PCMTD1: variants seen among roughly 807,000 people sequenced by gnomAD.
PCMTD1 encodes the protein protein-L-isoaspartate O-methyltransferase domain-containing protein 1.
In PCMTD1, 12 loss-of-function variants were observed where a neutral mutation model predicts 37.6. The observed-to-expected ratio is 0.32, with a 90% CI of 0.20 to 0.52. The LOEUF (loss-of-function observed/expected upper bound fraction) is 0.52, where lower values mean the gene tolerates loss of function less well. PCMTD1 is among the 20% of genes least tolerant of loss of function. The pLI is 0.97. For missense variants in PCMTD1, 235 were observed against 421.3 expected, an observed-to-expected ratio of 0.56 and a Z score of 3.87; for synonymous variants, 117 against 135.8, an observed-to-expected ratio of 0.86 and a Z score of 0.96.
intron 1 of PCMTD1, among the ~76,000 whole-genome samples, chr8:51,868,470 G>T (rs1399668601): frequency 6.6e-6 from 1 of 152,106 alleles, no homozygotes; most frequent in Non-Finnish European, 1.5e-5. Context: ...TGAAGCCAGG[G>T]ACTGCTATGC....
At chr8:51,863,767 C>CA (rs1163737797) in intron 1 of PCMTD1, among the ~76,000 whole-genome samples, 2 of 151,298 alleles carry the variant, frequency 1.3e-5, no homozygotes, top group Admixed American at 6.6e-5. Flanking sequence ...ACTAAAAATA[C>CA]AAAAAAAAAT....
At chr8:51,889,402 T>C (rs1220772555) in intron 1 of PCMTD1, among the ~76,000 whole-genome samples, 1 of 152,176 alleles carries the variant, frequency 6.6e-6, no homozygotes, top group Non-Finnish European at 1.5e-5. Flanking sequence ...TGTAACAGCA[T>C]TATTTTTAGG....
chr8:51,876,305 C>T (rs1385817896), intron 1 of PCMTD1, among the ~76,000 whole-genome samples: 3 of 152,062 alleles, frequency 2.0e-5, no homozygotes, highest in Non-Finnish European at 4.4e-5. Context: ...TTGGGTATAG[C>T]CTAGACTATA....
At chr8:51,831,109 C>T (rs1449633233) in intron 5 of PCMTD1, among the ~76,000 whole-genome samples, 2 of 152,002 alleles carry the variant, frequency 1.3e-5, no homozygotes, top group Admixed American at 1.3e-4. Flanking sequence ...GCCAGCCTGG[C>T]CAACATGGTG....
In PCMTD1 at chr8:51,820,801, G is replaced by A; in HGVS notation, c.707-83C>T. 3.0e-6 allele frequency: 4 copies of A among 1,336,124 alleles called. No individual in the cohort carries two copies. The East Asian group carries it at 1.1e-4, about 35-fold the overall frequency. The allele number at this position is 1,336,124 out of a possible 1,614,324, so 82.8% of individuals were successfully genotyped here. ...GTTTATTTTTTTCATAGAACAAAAT[G>A]TGTTTCTTAGCATATTTTAGAAAAT... On this transcript the variant is annotated intron_variant, in intron 5 of 5. Transcript: ENST00000522514.
rs911429728 is a variant in PCMTD1 at position 51,872,113 on chromosome 8, T to C, written c.-95-10867A>G. 2.0e-5 allele frequency among the ~76,000 whole-genome samples: 3 copies of C among 152,234 alleles called. No homozygotes were observed. The South Asian group carries it at 6.2e-4, about 31-fold the overall frequency. On this transcript the variant is annotated intron_variant, in intron 1 of 5. Transcript: ENST00000522514. Reference sequence around the variant, plus strand: ...TAATATTTGAAGTGATAAAGTAATATATAAAACTTTAAAGGACAAGATATG... The same window carrying C: ...TAATATTTGAAGTGATAAAGTAATACATAAAACTTTAAAGGACAAGATATG...
At chr8:51,867,560 C>T (rs1220030070) in intron 1 of PCMTD1, among the ~76,000 whole-genome samples, 1 of 149,730 alleles carries the variant, frequency 6.7e-6, no homozygotes, top group Non-Finnish European at 1.5e-5. Context: ...TAAATATAGA[C>T]TTACATTATA....
chr8:51,848,292 A>AG, intron 2 of PCMTD1, among the ~76,000 whole-genome samples: 1 of 152,140 alleles, frequency 6.6e-6, no homozygotes, highest in African/African-American at 2.4e-5. Flanking sequence ...GTCTTTAAAG[A>AG]GAAAAAAAAG....
chr8:51,826,631 G>C (rs553490530), intron 5 of PCMTD1, among the ~76,000 whole-genome samples: 8 of 152,232 alleles, frequency 5.3e-5, no homozygotes, highest in African/African-American at 1.9e-4. Context: ...TTGTATAGGA[G>C]CCTAGGAGTC....
intron 5 of PCMTD1, 70 bp from the exon 6 acceptor site, chr8:51,820,788 C>T: frequency 1.1e-6 from 1 of 902,076 alleles, no homozygotes; most frequent in Non-Finnish European, 1.6e-6. Context: ...TTATTTTTTT[C>T]ATAGAACAAA....
At chr8:51,827,049 C>A in intron 5 of PCMTD1, 1 of 965,446 alleles carries the variant, frequency 1.0e-6, no homozygotes, top group Non-Finnish European at 1.2e-6. Flanking sequence ...ATTTTAATTT[C>A]CTGCAATTAA....
chr8:51,899,044 C>A (rs375848342), upstream of PCMTD1: 18 of 1,507,708 alleles, frequency 1.2e-5, no homozygotes, highest in East Asian at 3.7e-4. Flanking sequence ...AGTGGAGAGG[C>A]GGGGCCCGGA....
intron 5 of PCMTD1, chr8:51,827,120 T>TA (rs1323147925): frequency 5.9e-6 from 6 of 1,008,656 alleles, no homozygotes; most frequent in Non-Finnish European, 7.1e-6. Context: ...CACAAAAACT[T>TA]ATTCTCCATA....
chr8:51,890,460 A>G (rs566622961), intron 1 of PCMTD1, among the ~76,000 whole-genome samples: 5 of 152,324 alleles, frequency 3.3e-5, no homozygotes, highest in Admixed American at 3.3e-4. Context: ...GAAAACATGA[A>G]AATTTAGAAT....
intron 5 of PCMTD1, among the ~76,000 whole-genome samples, chr8:51,829,397 G>A (rs761037361): frequency 5.9e-5 from 9 of 152,214 alleles, no homozygotes; most frequent in African/African-American, 2.4e-5. Context: ...TTTCAGGTGT[G>A]TAAAAAGCAG....
intron 1 of PCMTD1, among the ~76,000 whole-genome samples, chr8:51,884,599 C>T (rs13256408): frequency 0.69 from 104,554 of 152,078 alleles, 42,389 homozygotes; most frequent in Non-Finnish European, 0.9. Flanking sequence ...GCAGACAGCA[C>T]TGGAGAAAAC....
At chr8:51,846,008 GA>G (rs2038213116) in intron 2 of PCMTD1, among the ~76,000 whole-genome samples, 1 of 152,104 alleles carries the variant, frequency 6.6e-6, no homozygotes, top group Non-Finnish European at 1.5e-5. Flanking sequence ...GGATAAGGTT[GA>G]AACCTACAGA....
At position 51,825,700 on chromosome 8, in the gene PCMTD1, CAAAAAAAAAAA is replaced by C. The variant is rs1221587696; in HGVS notation, c.707-4993_707-4983del. ...TGGGCGACAGAGCGAGACTCCGTCT[CAAAAAAAAAAA>C]AAAAAAAAAAAAAAAGATATTTATG... On this transcript the variant is annotated intron_variant, in intron 5 of 5. Coordinates refer to ENST00000522514, the MANE Select transcript of PCMTD1 (RefSeq NM_052937.4). Among the ~76,000 whole-genome samples, 43 of 6,938 alleles carry C rather than the reference CAAAAAAAAAAA, an allele frequency of 6.2e-3. 11 individuals are homozygous for C. In the East Asian group the frequency reaches 0.15, roughly 25 times the overall value. The allele number at this position is 6,938 out of a possible 152,430, so 4.6% of individuals were successfully genotyped here.
chr8:51,820,746 G>A (rs764470898), intron 5 of PCMTD1, 28 bp from the exon 6 acceptor site: 1 of 1,546,390 alleles, frequency 6.5e-7, no homozygotes. Context: ...ACGCAAGAAA[G>A]AAAATATTAA....
Sources: allele counts gnomAD v4.1 joint callset (sites outside exome capture counted in the v4.1 genomes callset), GRCh38; gene constraint gnomAD v4.1.1; transcripts MANE v1.5; gene names NCBI Gene and HGNC (gene_info 2026-07-23, HGNC 2026-07-21).